PCNX1: variants seen among roughly 807,000 people sequenced by gnomAD.
PCNX1 encodes the protein pecanex-like protein 1.
Under a neutral mutation model 242.2 loss-of-function variants are expected in PCNX1, and 78 were observed. The ratio of observed to expected loss-of-function variants is 0.32; its 90% confidence interval spans 0.27 to 0.39. The LOEUF (loss-of-function observed/expected upper bound fraction) is 0.39. Ranked by LOEUF, PCNX1 falls within the 10% of genes least tolerant of loss-of-function variation. The pLI is 1.00. For synonymous variants in PCNX1, 1,024 were observed against 1,032.9 expected (o/e 0.99, Z 0.17); for missense variants, 2,581 against 2,856.5 (o/e 0.90, Z 2.20).
intron 30 of PCNX1, among the ~76,000 whole-genome samples, chr14:71,089,569 C>T (rs145001534): frequency 5.5e-4 from 84 of 152,230 alleles, no homozygotes; most frequent in Non-Finnish European, 9.9e-4. Flanking sequence ...CATATGGTGG[C>T]AACAAGGAGA....
intron 5 of PCNX1, among the ~76,000 whole-genome samples, chr14:70,972,149 G>A (rs944507390): frequency 6.6e-6 from 1 of 152,090 alleles, no homozygotes; most frequent in African/African-American, 2.4e-5. Flanking sequence ...GATATACTAT[G>A]TGAGAGAAGT....
At chr14:71,010,792 T>G (rs2059802023) in intron 9 of PCNX1, among the ~76,000 whole-genome samples, 1 of 152,120 alleles carries the variant, frequency 6.6e-6, no homozygotes, top group Admixed American at 6.5e-5. Context: ...GCTGTTTACT[T>G]ATTTTTTTGT....
rs2061646046 is a variant in PCNX1, at chr14:71,073,811, G to A, written c.5106+13G>A. The A allele has an allele frequency of 6.4e-7, 1 of 1,568,072 alleles. No individual in the cohort carries two copies. ...TTACTATGTCAAGGTAGGAGTATGT[G>A]CCTACTTAGATCTTTAGATAATCAG... On this transcript the variant is annotated intron_variant, in intron 27 of 35. Coordinates refer to ENST00000304743, the MANE Select transcript of PCNX1 (RefSeq NM_014982.3).
At position 71,109,329 on chromosome 14, in the gene PCNX1, T is replaced by G. The variant is rs575264238; in HGVS notation, c.6745-123T>G. 1.6e-5 allele frequency: 15 copies of G among 938,718 alleles called. No individual in the cohort carries two copies. In the African/African-American group the frequency reaches 2.2e-4, roughly 14 times the overall value. The allele number at this position is 938,718 out of a possible 1,614,324, so 58.1% of individuals were successfully genotyped here. On this transcript the variant is annotated intron_variant, in intron 34 of 35. Coordinates refer to ENST00000304743, the MANE Select transcript of PCNX1 (RefSeq NM_014982.3). ...CAAGATGTAGCTCTTAAGATTTTTT[T>G]TTTATTCCATTATAGGAATTTAAAA...
At chr14:71,005,153 A>G (rs1279977942) in intron 8 of PCNX1, among the ~76,000 whole-genome samples, 1 of 152,206 alleles carries the variant, frequency 6.6e-6, no homozygotes, top group Non-Finnish European at 1.5e-5. Context: ...TTGTTGTTCT[A>G]GTAACCACCT....
At chr14:71,097,029 C>T (rs1411721690) in intron 30 of PCNX1, among the ~76,000 whole-genome samples, 1 of 152,160 alleles carries the variant, frequency 6.6e-6, no homozygotes, top group Non-Finnish European at 1.5e-5. Flanking sequence ...CCTACCCAGG[C>T]AGCTCCATTA....
intron 13 of PCNX1, among the ~76,000 whole-genome samples, chr14:71,024,464 C>T (rs1042595914): frequency 6.6e-6 from 1 of 152,036 alleles, no homozygotes; most frequent in Non-Finnish European, 1.5e-5. Flanking sequence ...ATTTTATAGA[C>T]CATCCCTCAA....
At chr14:71,093,014 G>C (rs1464600563) in intron 30 of PCNX1, 1 of 152,136 alleles carries the variant, frequency 6.6e-6, no homozygotes, top group African/African-American at 2.4e-5. Context: ...GAGGTGGTCT[G>C]CTTGCCTCCA....
At chr14:71,108,168 C>G (rs868719330) in intron 33 of PCNX1, among the ~76,000 whole-genome samples, 1 of 152,180 alleles carries the variant, frequency 6.6e-6, no homozygotes, top group Non-Finnish European at 1.5e-5. Context: ...TCAGATTCCA[C>G]AAGTGAGATC....
chr14:71,023,517 A>G (rs1317995564), intron 13 of PCNX1, among the ~76,000 whole-genome samples: 1 of 152,080 alleles, frequency 6.6e-6, no homozygotes, highest in Non-Finnish European at 1.5e-5. Flanking sequence ...TGGTTCTTAT[A>G]AACTCATGAT....
chr14:71,104,620 T>C (rs2062558612), intron 32 of PCNX1, among the ~76,000 whole-genome samples: 1 of 152,102 alleles, frequency 6.6e-6, no homozygotes, highest in Non-Finnish European at 1.5e-5. Context: ...TGAACAGACA[T>C]TGGCACTGGT....
intron 20 of PCNX1, 67 bp from the exon 21 acceptor site, chr14:71,046,897 C>CT: frequency 7.5e-7 from 1 of 1,332,400 alleles, no homozygotes; most frequent in South Asian, 1.8e-5. Flanking sequence ...TAAAATTTTT[C>CT]TTTCTCATCA....
intron 15 of PCNX1, chr14:71,027,097 G>A (rs1388855155): frequency 2.4e-6 from 1 of 415,260 alleles, no homozygotes; most frequent in South Asian, 3.8e-5. Context: ...CAGGTATAAT[G>A]AAGCAGATGT....
chr14:70,941,148 C>T (rs973958057), intron 1 of PCNX1, among the ~76,000 whole-genome samples: 4 of 152,244 alleles, frequency 2.6e-5, no homozygotes, highest in Admixed American at 2.0e-4. Flanking sequence ...AACTCATTCT[C>T]TGTCCCTTTG....
intron 8 of PCNX1, among the ~76,000 whole-genome samples, chr14:71,005,531 A>G (rs1287700164): frequency 2.6e-5 from 4 of 151,126 alleles, no homozygotes; most frequent in Non-Finnish European, 5.9e-5. Flanking sequence ...GGGGGTGGGG[A>G]ATGCAATTGG....
At position 71,112,051 on chromosome 14, in the gene PCNX1, A is replaced by C. The variant is rs1438747912; in HGVS notation, c.*2116A>C. 6.6e-6 allele frequency: 1 copy of C among 152,476 alleles called. No homozygotes were observed. Among genetic ancestry groups the C allele is most frequent in the Non-Finnish European group, 1.5e-5 (1 of 67,936 alleles). 9.4% of individuals were successfully genotyped at this position (152,476 alleles called of 1,614,324 possible). A position where few individuals can be genotyped will look rare whatever the true frequency, so the allele number is the denominator to read the frequency against. ...ATATTTTTAAAATCTTCTGAAAGGAACTATGTTCCCTGCTGCTTCTTCCCT... is the reference window on the plus strand; with the variant it reads ...ATATTTTTAAAATCTTCTGAAAGGACCTATGTTCCCTGCTGCTTCTTCCCT... On this transcript the variant is annotated 3_prime_UTR_variant, in exon 36 of 36. Coordinates refer to ENST00000304743, the MANE Select transcript of PCNX1 (RefSeq NM_014982.3).
chr14:71,093,087 C>T (rs140415208), intron 30 of PCNX1: 1 of 152,204 alleles, frequency 6.6e-6, no homozygotes, highest in African/African-American at 2.4e-5. Context: ...ACTCATTATA[C>T]ATGGTACTCA....
chr14:71,019,228 G>A (rs1414730296), intron 12 of PCNX1, 66 bp downstream of exon 12: 3 of 1,224,948 alleles, frequency 2.4e-6, no homozygotes, highest in East Asian at 2.5e-5. Context: ...GGATTTTGTA[G>A]CAATTACTGA....
At chr14:70,974,297 G>A (rs932963309) in intron 5 of PCNX1, among the ~76,000 whole-genome samples, 13 of 145,132 alleles carry the variant, frequency 9.0e-5, no homozygotes, top group African/African-American at 3.3e-4. Flanking sequence ...AGGATGGAGT[G>A]TGCAGTGGTG....
Sources: gnomAD v4.1 joint callset for allele counts (sites outside exome capture counted in the v4.1 genomes callset) on GRCh38, gnomAD v4.1.1 for gene constraint, MANE v1.5 for transcripts, NCBI Gene and HGNC (gene_info 2026-07-23, HGNC 2026-07-21) for gene names.